Variants in BCAS1 observed in about 807,000 individuals in gnomAD.
BCAS1 encodes the protein breast carcinoma-amplified sequence 1.
A neutral mutation model predicts 65.4 loss-of-function variants in BCAS1; 46 were observed. The ratio of observed to expected loss-of-function variants is 0.70; its 90% CI spans 0.55 to 0.90. The LOEUF (loss-of-function observed/expected upper bound fraction) is 0.90, where lower values mean the gene tolerates loss of function less well. BCAS1 is among the 40% of genes least tolerant of loss of function. The pLI is 0.00. For synonymous variants in BCAS1, 298 were observed against 293.5 expected (o/e 1.02, Z -0.16); for missense variants, 793 against 771.2 (o/e 1.03, Z -0.33).
chr20:54,022,133 A>G (rs564793796), intron 4 of BCAS1, among the ~76,000 whole-genome samples: 1 of 152,304 alleles, frequency 6.6e-6, no homozygotes, highest in South Asian at 2.1e-4. Context: ...GGACTAAGCA[A>G]CAATGGAGGA....
chr20:53,957,469 T>G lies in BCAS1; in HGVS notation c.1514A>C (p.His505Pro), dbSNP rs748724473. Residue 505 changes from histidine (H) to proline (P), a missense_variant, in exon 11 of 13, where the codon CAC becomes CCC. By Grantham distance (77) the His-to-Pro change is moderately conservative. Transcript: ENST00000688948. ...GTCTTTCCCATTTATTTCTTCTGAGTGGGTGATCCCTCCATCCCCTTTCAC... is the reference window on the plus strand; with the variant it reads ...GTCTTTCCCATTTATTTCTTCTGAGGGGGTGATCCCTCCATCCCCTTTCAC... ...MSVKGDGGIT[H>P]SEEINGKDSS... is the part of the protein sequence containing the mutation. The G allele has an allele frequency of 6.2e-7, 1 of 1,614,124 alleles. No homozygotes were observed. Among genetic ancestry groups the G allele is most frequent in the South Asian group, 1.1e-5 (1 of 91,074 alleles).
intron 3 of BCAS1, 171 bp from the exon 4 acceptor site, chr20:54,029,143 C>CT: frequency 1.0e-6 from 1 of 985,368 alleles, no homozygotes; most frequent in Non-Finnish European, 1.2e-6. Context: ...TTGGACCCTG[C>CT]TTTTCTTGGG....
chr20:54,050,714 C>T lies in BCAS1; in HGVS notation c.142+7371G>A, dbSNP rs2092196959. Among the ~76,000 whole-genome samples, 6 of 152,340 alleles carry T rather than the reference C, an allele frequency of 3.9e-5. No homozygotes were observed. The South Asian group carries it at 1.2e-3, about 32-fold the overall frequency. On this transcript the variant is annotated intron_variant, in intron 3 of 12. Coordinates refer to ENST00000688948, the MANE Select transcript of BCAS1 (RefSeq NM_001366298.2). ...GCCTTCTTTGCCCTGGCCGTCCACG[C>T]TCTGCCTCCCCTTGCGTCCCTCCCC...
Position 53,953,428 on chromosome 20 carries a change from C to A in BCAS1, c.1815+4G>T, listed in dbSNP as rs1283825973. On this transcript the variant is annotated splice_donor_region_variant and intron_variant, in intron 12 of 12. Transcript: ENST00000688948. ...GAAAGAAGAGGCAAAAAAAATCCAC[C>A]TACCAGGCCTTTAAAGAAGCCCCCA... is the stretch of plus-strand genomic sequence containing the variant. The A allele has an allele frequency of 6.2e-7, 1 of 1,613,062 alleles. No individual in the cohort carries two copies. The highest frequency in any genetic ancestry group is 8.5e-7 in the Non-Finnish European group (1 of 1,179,708).
At chr20:53,986,928 A>G (rs2090630019) in intron 7 of BCAS1, among the ~76,000 whole-genome samples, 1 of 152,158 alleles carries the variant, frequency 6.6e-6, no homozygotes, top group African/African-American at 2.4e-5. Flanking sequence ...AGAAAGTTTG[A>G]CAGTATTTTT....
intron 3 of BCAS1, among the ~76,000 whole-genome samples, chr20:54,033,260 A>G (rs2091838204): frequency 6.6e-6 from 1 of 151,072 alleles, no homozygotes; most frequent in Non-Finnish European, 1.5e-5. Context: ...GAGAGCAGAA[A>G]AACCTGAAAG....
chr20:53,977,778 T>C (rs2090371847), intron 8 of BCAS1, among the ~76,000 whole-genome samples: 2 of 152,248 alleles, frequency 1.3e-5, no homozygotes, highest in African/African-American at 4.8e-5. Context: ...CTATTTTATA[T>C]TTTTAAAGTC....
At chr20:54,025,521 T>C (rs1568890484) in intron 4 of BCAS1, among the ~76,000 whole-genome samples, 1 of 152,224 alleles carries the variant, frequency 6.6e-6, no homozygotes, top group Non-Finnish European at 1.5e-5. Context: ...AATAAGATTG[T>C]CGTTCTGAAA....
At chr20:54,055,144 T>C (rs2092277320) in intron 3 of BCAS1, among the ~76,000 whole-genome samples, 1 of 152,060 alleles carries the variant, frequency 6.6e-6, no homozygotes, top group African/African-American at 2.4e-5. Context: ...ATATTAAACA[T>C]AAGAAGATAA....
chr20:54,006,842 G>T (rs1363050594), intron 4 of BCAS1, among the ~76,000 whole-genome samples: 1 of 152,200 alleles, frequency 6.6e-6, no homozygotes, highest in Non-Finnish European at 1.5e-5. Flanking sequence ...TCCCACTGAT[G>T]GAGGCAGTGA....
At chr20:54,016,471 G>A (rs1003550099) in intron 4 of BCAS1, among the ~76,000 whole-genome samples, 1 of 152,062 alleles carries the variant, frequency 6.6e-6, no homozygotes, top group East Asian at 1.9e-4. Flanking sequence ...AAAAACATTC[G>A]ACTTATTCTA....
intron 9 of BCAS1, among the ~76,000 whole-genome samples, chr20:53,973,738 G>A (rs1175969325): frequency 1.3e-5 from 2 of 152,124 alleles, no homozygotes; most frequent in Non-Finnish European, 2.9e-5. Context: ...TAATTCATGA[G>A]AACTTTCTGG....
At chr20:54,031,344 A>G (rs1252465119) in intron 3 of BCAS1, among the ~76,000 whole-genome samples, 1 of 151,410 alleles carries the variant, frequency 6.6e-6, no homozygotes, top group Non-Finnish European at 1.5e-5. Context: ...GTAGCTTTTG[A>G]TATCAGAGAA....
intron 1 of BCAS1, among the ~76,000 whole-genome samples, chr20:54,063,827 A>T (rs2092404336): frequency 1.3e-5 from 2 of 152,322 alleles, no homozygotes; most frequent in South Asian, 2.1e-4. Context: ...AATAAATCAG[A>T]TAGAGTTTTT....
intron 10 of BCAS1, among the ~76,000 whole-genome samples, chr20:53,963,931 G>C (rs761076485): frequency 3.3e-5 from 5 of 152,240 alleles, no homozygotes; most frequent in African/African-American, 1.2e-4. Flanking sequence ...CTGAAATAAC[G>C]TGGGTGAGAC....
chr20:53,972,938 A>C (rs2090220198), intron 9 of BCAS1, among the ~76,000 whole-genome samples: 1 of 152,190 alleles, frequency 6.6e-6, no homozygotes, highest in Non-Finnish European at 1.5e-5. Flanking sequence ...CAGAAGATGA[A>C]ATACTGATGC....
At chr20:53,958,598 G>A (rs2089776778) in intron 10 of BCAS1, among the ~76,000 whole-genome samples, 1 of 152,180 alleles carries the variant, frequency 6.6e-6, no homozygotes, top group African/African-American at 2.4e-5. Flanking sequence ...TTAATATTAT[G>A]TATCTTTGTT....
At chr20:53,996,675 C>A (rs1165675001) in intron 4 of BCAS1, among the ~76,000 whole-genome samples, 1 of 152,054 alleles carries the variant, frequency 6.6e-6, no homozygotes, top group Non-Finnish European at 1.5e-5. Flanking sequence ...GAAGCTACTG[C>A]CTCTCCACCT....
chr20:54,036,399 A>G (rs2091900633), intron 3 of BCAS1, among the ~76,000 whole-genome samples: 1 of 151,386 alleles, frequency 6.6e-6, no homozygotes, highest in Admixed American at 6.6e-5. Flanking sequence ...TAGTGCAGAA[A>G]AATATTTTGT....
Sources: gnomAD v4.1 joint callset for allele counts (sites outside exome capture counted in the v4.1 genomes callset) on GRCh38, gnomAD v4.1.1 for gene constraint, MANE v1.5 for transcripts, NCBI Gene and HGNC (gene_info 2026-07-23, HGNC 2026-07-21) for gene names.